The following KDM4C variants were observed in gnomAD, a reference collection of about 807,000 sequenced individuals.
KDM4C encodes lysine demethylase 4C, also known as lysine-specific demethylase 4C.
Under a neutral mutation model 129.3 loss-of-function variants are expected in KDM4C, and 81 were observed. The observed-to-expected ratio is 0.63, with a 90% CI of 0.52 to 0.75. KDM4C has a LOEUF of 0.75. KDM4C is among the 30% of genes least tolerant of loss of function. The probability of loss-of-function intolerance (pLI) is 0.00; values close to 1 mark genes in which losing one functional copy is unlikely to be tolerated. For missense variants in KDM4C, 1,457 were observed against 1,304.0 expected (o/e 1.12, Z -1.81); for synonymous variants, 573 against 456.1 (o/e 1.26, Z -3.26).
chr9:7,156,357 A>G (rs1298062639), intron 19 of KDM4C, among the ~76,000 whole-genome samples: 1 of 152,088 alleles, frequency 6.6e-6, no homozygotes, highest in African/African-American at 2.4e-5. Context: ...CTTTAGTTTA[A>G]TTTCATGCCA....
intron 4 of KDM4C, among the ~76,000 whole-genome samples, chr9:6,826,742 C>CT (rs1436916803): frequency 6.6e-6 from 1 of 151,930 alleles, no homozygotes; most frequent in African/African-American, 2.4e-5. Flanking sequence ...TGGCAGGGAC[C>CT]TGTAGTGCCA....
chr9:7,067,327 A>T (rs969134761), intron 17 of KDM4C, among the ~76,000 whole-genome samples: 94 of 152,366 alleles, frequency 6.2e-4, no homozygotes, highest in Non-Finnish European at 1.8e-4. Flanking sequence ...TACGTTCTGC[A>T]TAGATAAAGC....
rs1243980085 is a variant in KDM4C, at chr9:7,174,763, T to TG, written c.*37dup. On this transcript the variant is annotated 3_prime_UTR_variant, in exon 22 of 22. Coordinates refer to ENST00000381309, the MANE Select transcript of KDM4C (RefSeq NM_015061.6). ...CATCGCTGCAGGCCACAGAGCAGCT[T>TG]GGGTTGGAAGAGAGAAGATGAAGGG... The TG allele has an allele frequency of 1.9e-5, 30 of 1,594,182 alleles. No individual in the cohort carries two copies. Among genetic ancestry groups the TG allele is most frequent in the Non-Finnish European group, 2.5e-5 (29 of 1,164,484 alleles).
intron 8 of KDM4C, among the ~76,000 whole-genome samples, chr9:6,971,692 A>G (rs980421346): frequency 1.3e-5 from 2 of 152,222 alleles, no homozygotes; most frequent in South Asian, 4.1e-4. Flanking sequence ...AATATTTATG[A>G]CATGTTTCAT....
intron 3 of KDM4C, among the ~76,000 whole-genome samples, chr9:6,808,502 C>A (rs925710595): frequency 7.0e-6 from 1 of 143,794 alleles, no homozygotes; most frequent in Non-Finnish European, 1.5e-5. Flanking sequence ...GCAGCATGCT[C>A]GTTAAGAGTC....
chr9:6,751,739 T>C (rs1392540082), intron 1 of KDM4C, among the ~76,000 whole-genome samples: 1 of 152,106 alleles, frequency 6.6e-6, no homozygotes, highest in Admixed American at 6.6e-5. Context: ...AATAGTCAGC[T>C]CAAGGCCCCT....
intron 15 of KDM4C, among the ~76,000 whole-genome samples, chr9:7,039,594 T>C (rs1200172732): frequency 6.6e-6 from 1 of 152,120 alleles, no homozygotes; most frequent in Non-Finnish European, 1.5e-5. Context: ...AATAGCTTAC[T>C]GTTTACTGGA....
At chr9:7,007,597 G>A (rs934514165) in intron 12 of KDM4C, among the ~76,000 whole-genome samples, 1 of 152,138 alleles carries the variant, frequency 6.6e-6, no homozygotes, top group Non-Finnish European at 1.5e-5. Flanking sequence ...GACCTGTATT[G>A]TTTAGCAGTG....
chr9:6,738,135 A>AAAACTAAACTAAACT lies in KDM4C; in HGVS notation c.49+17172_49+17186dup, dbSNP rs200468678. Among the ~76,000 whole-genome samples the AAAACTAAACTAAACT allele has an allele frequency of 6.4e-3, 907 of 142,292 alleles. 9 individuals carry two copies. The highest frequency in any genetic ancestry group is 0.015 in the African/African-American group (565 of 37,894). The allele number at this position is 142,292 out of a possible 152,430, so 93.3% of individuals were successfully genotyped here. On this transcript the variant is annotated intron_variant, in intron 1 of 17. Transcript: ENST00000536108. ...GCAACAAGACCAAAACTCCCTCTCA[A>AAAACTAAACTAAACT]AAACTAAACTAAACTAAACTAAACT...
At chr9:6,932,317 G>T (rs528801454) in intron 8 of KDM4C, among the ~76,000 whole-genome samples, 112 of 152,266 alleles carry the variant, frequency 7.4e-4, no homozygotes, top group Non-Finnish European at 1.4e-3. Flanking sequence ...CTGCGGCACA[G>T]GGATTATTAG....
At chr9:6,894,332 A>T (rs957743837) in intron 8 of KDM4C, among the ~76,000 whole-genome samples, 15 of 152,356 alleles carry the variant, frequency 9.8e-5, no homozygotes, top group African/African-American at 3.6e-4. Flanking sequence ...ATTTCTGTTT[A>T]TGCTGAGTAA....
chr9:7,070,362 G>A (rs1318949215), intron 17 of KDM4C, among the ~76,000 whole-genome samples: 2 of 152,058 alleles, frequency 1.3e-5, no homozygotes, highest in African/African-American at 4.8e-5. Flanking sequence ...AAAATTAGAA[G>A]TGAAGGGAAC....
At chr9:6,722,013 T>C (rs1327405899) in intron 1 of KDM4C, among the ~76,000 whole-genome samples, 3 of 152,192 alleles carry the variant, frequency 2.0e-5, no homozygotes, top group Admixed American at 1.3e-4. Context: ...TGAACCTCCA[T>C]GCCTGGCCTA....
At chr9:6,757,771 C>G (rs549050366), upstream of KDM4C, 1 of 985,476 alleles carries the variant, frequency 1.0e-6, no homozygotes. Context: ...ACGCGAGTAT[C>G]TTTCCCCTCC....
chr9:7,082,711 A>C (rs1834677106), intron 17 of KDM4C, among the ~76,000 whole-genome samples: 1 of 152,204 alleles, frequency 6.6e-6, no homozygotes, highest in Non-Finnish European at 1.5e-5. Flanking sequence ...ACACTGCTTT[A>C]GAGCTGCTTC....
chr9:7,015,712 G>T, intron 14 of KDM4C, 141 bp from the exon 15 acceptor site: 1 of 456,486 alleles, frequency 2.2e-6, no homozygotes, highest in South Asian at 3.9e-5. Flanking sequence ...CATTCACCTT[G>T]CTTATGTTTT....
chr9:7,109,731 C>T (rs559461284), intron 18 of KDM4C, among the ~76,000 whole-genome samples: 1 of 152,130 alleles, frequency 6.6e-6, no homozygotes, highest in Non-Finnish European at 1.5e-5. Context: ...AAATTTTCTT[C>T]TTGATGTTCT....
chr9:7,041,997 A>G (rs528222255), intron 15 of KDM4C, among the ~76,000 whole-genome samples: 20 of 152,046 alleles, frequency 1.3e-4, no homozygotes, highest in African/African-American at 4.3e-4. Context: ...ACAGATCCAT[A>G]TTTTTTTGTT....
intron 19 of KDM4C, among the ~76,000 whole-genome samples, chr9:7,156,972 TTCCTATCCA>T (rs1384563520): frequency 5.3e-5 from 8 of 152,362 alleles, no homozygotes; most frequent in Admixed American, 5.2e-4. Context: ...ATATTGATTC[TTCCTATCCA>T]TGAGCATGGA....
Sources: allele counts gnomAD v4.1 joint callset (sites outside exome capture counted in the v4.1 genomes callset), GRCh38; gene constraint gnomAD v4.1.1; transcripts MANE v1.5; gene names NCBI Gene and HGNC (gene_info 2026-07-23, HGNC 2026-07-21).